The following FBN3 variants were observed in gnomAD, a reference collection of about 807,000 sequenced individuals.
FBN3 encodes fibrillin-3.
Under a neutral mutation model 330.1 loss-of-function variants are expected in FBN3, and 234 were observed. That is an observed-to-expected ratio of 0.71 (90% CI 0.64 to 0.79). The LOEUF is 0.79. FBN3 is among the 30% of genes least tolerant of loss of function. The probability of loss-of-function intolerance (pLI) is 0.00; values close to 1 mark genes in which losing one functional copy is unlikely to be tolerated. For missense variants in FBN3, 3,606 were observed against 3,886.9 expected, an observed-to-expected ratio of 0.93 and a Z score of 1.92; for synonymous variants, 1,458 against 1,517.3, an observed-to-expected ratio of 0.96 and a Z score of 0.91.
chr19:8,137,609 C>CTTATTTATTTATTTATTTATTTAT (rs3075768), intron 10 of FBN3, among the ~76,000 whole-genome samples: 1 of 146,410 alleles, frequency 6.8e-6, no homozygotes, highest in Non-Finnish European at 1.5e-5. Context: ...CGAACTCTGA[C>CTTATTTATTTATTTATTTATTTAT]TTATTTATTT....
intron 18 of FBN3, 106 bp downstream of exon 18, chr19:8,128,922 G>A: frequency 7.3e-7 from 1 of 1,365,916 alleles, no homozygotes; most frequent in Non-Finnish European, 1.0e-6. Flanking sequence ...GAGGTAACAT[G>A]TAAGCATCTT....
At chr19:8,122,090 C>G (rs1410479414) in intron 24 of FBN3, among the ~76,000 whole-genome samples, 2 of 151,986 alleles carry the variant, frequency 1.3e-5, no homozygotes, top group African/African-American at 4.8e-5. Flanking sequence ...GGTGTGATCA[C>G]AGCTCACTGC....
In FBN3 at chr19:8,081,003, C is replaced by T. The variant is rs767458634; in HGVS notation, c.7453G>A (p.Asp2485Asn). The T allele has an allele frequency of 1.6e-5, 25 of 1,607,748 alleles. No homozygotes were observed. The highest frequency in any genetic ancestry group is 4.5e-5 in the East Asian group (2 of 44,868). ...CCGGTGAGGGGCAAGGGTCACTCAC[C>T]GAAGCAGGCCTGGTGGTGCTGGGTG... ...GFTQHHQACFDNDECSAQPGP... is the reference protein window; with the variant it reads ...GFTQHHQACFNNDECSAQPGP... Residue 2485 changes from aspartate to asparagine, a missense_variant and splice_region_variant, in exon 59 of 64, where the codon GAC (aspartate) becomes AAC (asparagine). Coordinates refer to ENST00000600128, the MANE Select transcript of FBN3 (RefSeq NM_032447.5).
At chr19:8,089,120 A>G (rs2082035028) in intron 51 of FBN3, among the ~76,000 whole-genome samples, 3 of 152,216 alleles carry the variant, frequency 2.0e-5, no homozygotes, top group Admixed American at 2.0e-4. Flanking sequence ...ATGACGTGTG[A>G]ATGAATGAGG....
Position 8,104,119 on chromosome 19 carries a change from G to C in FBN3, c.4814-432C>G, listed in dbSNP as rs183709440. 4.1e-5 allele frequency among the ~76,000 whole-genome samples: 6 copies of C among 145,316 alleles called. No individual in the cohort carries two copies. In the East Asian group the frequency reaches 1.0e-3, roughly 25 times the overall value. On this transcript the variant is annotated intron_variant, in intron 38 of 63. Transcript: ENST00000600128. ...CAGCCTGGGTGCAGAATGAGATCCTGGCTCTAAAAAACAAACAAACGAACA... is the reference window on the plus strand; with the variant it reads ...CAGCCTGGGTGCAGAATGAGATCCTCGCTCTAAAAAACAAACAAACGAACA...
At chr19:8,114,984 C>G (rs561464649) in intron 30 of FBN3, among the ~76,000 whole-genome samples, 4 of 152,092 alleles carry the variant, frequency 2.6e-5, no homozygotes, top group Non-Finnish European at 5.9e-5. Context: ...TTCTCCTGCC[C>G]CAGCCTCCCG....
chr19:8,095,226 C>T (rs1368000881), intron 46 of FBN3, 149 bp downstream of exon 46: 1 of 828,698 alleles, frequency 1.2e-6, no homozygotes, highest in Non-Finnish European at 1.7e-6. Flanking sequence ...CTGCCTCAGC[C>T]TCCCAAAGTG....
In FBN3 at chr19:8,116,655, C is replaced by T. The variant is rs746636521; in HGVS notation, c.3712+19G>A. 2 of 1,601,754 alleles carry T rather than the reference C, an allele frequency of 1.2e-6. No homozygotes were observed. Among genetic ancestry groups the T allele is most frequent in the East Asian group, 2.2e-5 (1 of 44,506 alleles). On this transcript the variant is annotated intron_variant, in intron 29 of 63. Transcript: ENST00000600128. Reference sequence around the variant, plus strand: ...ACTGCCTCCTCCACCCGCCCCGCCCCACCGTCCCGGCTCCTCACCAACACA... The same window carrying T: ...ACTGCCTCCTCCACCCGCCCCGCCCTACCGTCCCGGCTCCTCACCAACACA...
chr19:8,147,310 G>A lies in FBN3; in HGVS notation c.167+4C>T, dbSNP rs374809701. 3.0e-5 allele frequency: 48 copies of A among 1,591,772 alleles called. No homozygotes were observed. The highest frequency in any genetic ancestry group is 9.4e-5 in the African/African-American group (7 of 74,654). On this transcript the variant is annotated splice_donor_region_variant and intron_variant, in intron 2 of 63. Coordinates refer to ENST00000600128, the MANE Select transcript of FBN3 (RefSeq NM_032447.5). ...GGTCTCCCAGCATCCCAGGTACCAC[G>A]CACCCCTGCAAGATGCCTGGGCTGC...
rs186647428 is a variant in FBN3, at chr19:8,093,424, G to C, written c.5905+1022C>G. 5.8e-3 allele frequency among the ~76,000 whole-genome samples: 879 copies of C among 152,054 alleles called. 9 individuals carry two copies. The highest frequency in any genetic ancestry group is 0.015 in the African/African-American group (636 of 41,470). On this transcript the variant is annotated intron_variant, in intron 47 of 63. Coordinates refer to ENST00000600128, the MANE Select transcript of FBN3 (RefSeq NM_032447.5). ...AGATCACGAGGTCAGGAGATCGAGA[G>C]CATCCTGGCTAACATGGTGAAACCC... is the stretch of plus-strand genomic sequence containing the variant.
chr19:8,146,759 A>G (rs962111788), intron 3 of FBN3, among the ~76,000 whole-genome samples: 1 of 152,182 alleles, frequency 6.6e-6, no homozygotes, highest in East Asian at 1.9e-4. Flanking sequence ...TTGAGGCCAG[A>G]GTTTGAGACC....
chr19:8,132,236 C>T (rs1005820357), intron 14 of FBN3, among the ~76,000 whole-genome samples: 2 of 151,920 alleles, frequency 1.3e-5, no homozygotes, highest in African/African-American at 2.4e-5. Flanking sequence ...TTTATAGAGA[C>T]GGAGTCTCAT....
At chr19:8,104,852 C>A (rs1004966956) in intron 38 of FBN3, among the ~76,000 whole-genome samples, 1 of 152,026 alleles carries the variant, frequency 6.6e-6, no homozygotes, top group African/African-American at 2.4e-5. Context: ...TATTTATGGA[C>A]CCCTGAAATT....
intron 8 of FBN3, among the ~76,000 whole-genome samples, chr19:8,141,158 G>A (rs1419450946): frequency 8.4e-4 from 110 of 131,150 alleles, no homozygotes; most frequent in Non-Finnish European, 6.0e-4. Flanking sequence ...TCGCGCCACT[G>A]CACTCCAGCC....
At chr19:8,135,936 G>GGGCCACC in intron 13 of FBN3, 25 bp downstream of exon 13, 3 of 668,778 alleles carry the variant, frequency 4.5e-6, no homozygotes, top group South Asian at 1.6e-5. Flanking sequence ...GGAAGCCCCT[G>GGGCCACC]CCCACCCGCC....
chr19:8,086,084 GAGGGACAGGGAGTGAA>G (rs2081945389), intron 55 of FBN3, 100 bp downstream of exon 55: 3 of 598,330 alleles, frequency 5.0e-6, no homozygotes, highest in East Asian at 4.4e-5. Flanking sequence ...CAGGCAGTGG[GAGGGACAGGGAGTGAA>G]GGGGGCAGGC....
At chr19:8,085,225 A>AC (rs2081910368) in intron 56 of FBN3, 138 bp downstream of exon 56, 1 of 395,382 alleles carries the variant, frequency 2.5e-6, no homozygotes, top group Non-Finnish European at 4.2e-6. Flanking sequence ...ACAAAGACAC[A>AC]CACACACACA....
At position 8,132,868 on chromosome 19, in the gene FBN3, T is replaced by G. The variant is rs1010566307; in HGVS notation, c.1714+116A>C. 14 of 1,181,582 alleles carry G rather than the reference T, an allele frequency of 1.2e-5. 1 individual carries two copies. Among genetic ancestry groups the G allele is most frequent in the Non-Finnish European group, 1.6e-5 (14 of 876,734 alleles). 73.2% of individuals were successfully genotyped at this position (1,181,582 alleles called of 1,614,324 possible). On this transcript the variant is annotated intron_variant, in intron 14 of 63. Coordinates refer to ENST00000600128, the MANE Select transcript of FBN3 (RefSeq NM_032447.5). ...CCTCTTTTTCTCCCTGCCCCTTCTC[T>G]TCTCCTTCTCTCATGCTCGTCCCAT... is the stretch of plus-strand genomic sequence containing the variant.
chr19:8,111,185 T>C lies in FBN3; in HGVS notation c.4085-2A>G. 6.3e-7 allele frequency: 1 copy of C among 1,589,624 alleles called. No homozygotes were observed. The highest frequency in any genetic ancestry group is 8.6e-7 in the Non-Finnish European group (1 of 1,167,344). On this transcript the variant is annotated splice_acceptor_variant, in intron 32 of 63. Transcript: ENST00000600128. LOFTEE classifies it high-confidence loss of function. Reference sequence around the variant, plus strand: ...CGTTCTCGGCACATTCATCCCTGTCTGAGGGGCCCCAAGATTCGGAGGGCT... The same window carrying C: ...CGTTCTCGGCACATTCATCCCTGTCCGAGGGGCCCCAAGATTCGGAGGGCT...
Sources: allele counts gnomAD v4.1 joint callset (sites outside exome capture counted in the v4.1 genomes callset), GRCh38; gene constraint gnomAD v4.1.1; transcripts MANE v1.5; gene names NCBI Gene and HGNC (gene_info 2026-07-23, HGNC 2026-07-21).